Variants in PBRM1 observed in about 807,000 individuals in gnomAD.
The protein encoded by PBRM1 is protein polybromo-1.
Under a neutral mutation model 194.5 loss-of-function variants are expected in PBRM1, and 27 were observed. The ratio of observed to expected loss-of-function variants is 0.14; its 90% CI spans 0.10 to 0.19. The LOEUF (loss-of-function observed/expected upper bound fraction) is 0.19, where lower values mean the gene tolerates loss of function less well. Ranked by LOEUF, PBRM1 falls within the 10% of genes least tolerant of loss-of-function variation. PBRM1 has a pLI of 1.00. For missense variants in PBRM1, 1,466 were observed against 2,077.2 expected (o/e 0.71, Z 5.72); for synonymous variants, 655 against 693.2 (o/e 0.94, Z 0.87).
chr3:52,601,392 T>G (rs1029516650), intron 17 of PBRM1, among the ~76,000 whole-genome samples: 1 of 152,190 alleles, frequency 6.6e-6, no homozygotes, highest in African/African-American at 2.4e-5. Context: ...CTGTTCCATC[T>G]CAGATCATCA....
chr3:52,625,047 A>G, intron 13 of PBRM1, 106 bp from the exon 15 acceptor site: 1 of 763,716 alleles, frequency 1.3e-6, no homozygotes, highest in Non-Finnish European at 2.3e-6. Flanking sequence ...TATTCAGTCC[A>G]AAGTACCAAA....
rs1441063943 is a variant in PBRM1, at chr3:52,576,537, C to A, written c.3691+4G>T. 6.3e-7 allele frequency: 1 copy of A among 1,583,756 alleles called. No homozygotes were observed. The highest frequency in any genetic ancestry group is 8.5e-7 in the Non-Finnish European group (1 of 1,169,644). ...CGATTAAATAAAAAAGCACAAATAC[C>A]TACCGAGAATACATGTCATGGGGCA... On this transcript the variant is annotated splice_donor_region_variant and intron_variant, in intron 22 of 29. Coordinates refer to ENST00000296302, the Ensembl canonical transcript of PBRM1.
chr3:52,672,463 A>G (rs1052702495), intron 2 of PBRM1, among the ~76,000 whole-genome samples: 2 of 150,578 alleles, frequency 1.3e-5, no homozygotes, highest in Non-Finnish European at 2.9e-5. Flanking sequence ...AGAACAAATA[A>G]CTTCAATTTC....
At chr3:52,560,874 G>C (rs2083358888) in intron 25 of PBRM1, among the ~76,000 whole-genome samples, 1 of 151,636 alleles carries the variant, frequency 6.6e-6, no homozygotes, top group African/African-American at 2.4e-5. Flanking sequence ...TTAATAAAAG[G>C]GGCAGCCTAA....
intron 10 of PBRM1, among the ~76,000 whole-genome samples, chr3:52,641,595 A>C (rs1009745219): frequency 1.3e-5 from 2 of 152,154 alleles, no homozygotes; most frequent in African/African-American, 4.8e-5. Context: ...CAAGCCAAGA[A>C]GAAATTAGAG....
At chr3:52,616,767 G>A (rs2094979367) in intron 14 of PBRM1, among the ~76,000 whole-genome samples, 1 of 152,218 alleles carries the variant, frequency 6.6e-6, no homozygotes, top group Non-Finnish European at 1.5e-5. Context: ...GGACTATCAT[G>A]CTGATTTTTA....
At chr3:52,554,851 A>T (rs760130813) in exon 27 of PBRM1, 14 of 1,607,176 alleles carry the variant, frequency 8.7e-6, no homozygotes, top group Non-Finnish European at 1.2e-5. Context: ...GCAAAGGTGG[A>T]AGGCCTGGCG....
chr3:52,572,677 G>A (rs1183393953), intron 22 of PBRM1, among the ~76,000 whole-genome samples: 1 of 152,106 alleles, frequency 6.6e-6, no homozygotes, highest in Non-Finnish European at 1.5e-5. Context: ...TGCCCAGCTT[G>A]ATTACTGTTT....
chr3:52,645,925 T>C (rs1400950959), intron 7 of PBRM1, among the ~76,000 whole-genome samples: 1 of 152,378 alleles, frequency 6.6e-6, no homozygotes, highest in South Asian at 2.1e-4. Flanking sequence ...GGTGAGGGAC[T>C]ACGGACAACT....
rs2091393049 is a variant in PBRM1 at position 52,582,193 on chromosome 3, G to C, written c.3388-2994C>G. On this transcript the variant is annotated intron_variant, in intron 20 of 29. Transcript: ENST00000296302. ...GGAAGTGGAGGCTGCAGTGAGCTGA[G>C]ATTGCGCCACTGCACTCCAGCCTGG... Among the ~76,000 whole-genome samples the C allele has an allele frequency of 2.1e-5, 3 of 143,830 alleles. No homozygotes were observed. The South Asian group carries it at 6.8e-4, about 33-fold the overall frequency. 94.4% of individuals were successfully genotyped at this position (143,830 alleles called of 152,430 possible).
Position 52,576,481 on chromosome 3 carries a change from T to C in PBRM1, c.3691+60A>G, listed in dbSNP as rs1337108438. On this transcript the variant is annotated intron_variant, in intron 22 of 29. Coordinates refer to ENST00000296302, the Ensembl canonical transcript of PBRM1. ...CACCTAGAACAGTGCCCCACAGAAG[T>C]AGTATTCCATCAATTTTGATGGAAT... is the stretch of plus-strand genomic sequence containing the variant. 6 of 1,308,194 alleles carry C rather than the reference T, an allele frequency of 4.6e-6. No individual in the cohort carries two copies. The East Asian group carries it at 6.9e-5, about 15-fold the overall frequency. 81.0% of individuals were successfully genotyped at this position (1,308,194 alleles called of 1,614,324 possible).
intron 22 of PBRM1, among the ~76,000 whole-genome samples, chr3:52,573,483 G>A (rs545491139): frequency 1.3e-5 from 2 of 152,124 alleles, no homozygotes; most frequent in South Asian, 4.2e-4. Context: ...TAGTAAAGAT[G>A]GGGTTTCACC....
exon 7 of PBRM1, chr3:52,648,360 C>T (rs2153778931): frequency 6.2e-7 from 1 of 1,601,168 alleles, no homozygotes; most frequent in Non-Finnish European, 8.5e-7. Context: ...TACTTGAGAG[C>T]CAGGCTCATT....
exon 21 of PBRM1, chr3:52,579,054 C>T (rs533143558): frequency 1.9e-6 from 3 of 1,614,062 alleles, no homozygotes; most frequent in Admixed American, 3.3e-5. Flanking sequence ...TGACACTCAC[C>T]TGCCCACACG....
intron 26 of PBRM1, among the ~76,000 whole-genome samples, chr3:52,556,155 C>T (rs1218933298): frequency 6.6e-6 from 1 of 152,134 alleles, no homozygotes; most frequent in Non-Finnish European, 1.5e-5. Flanking sequence ...AGATTTCAAA[C>T]ATATTTATTT....
chr3:52,614,320 GC>G (rs2094822999), intron 15 of PBRM1, among the ~76,000 whole-genome samples: 1 of 126,108 alleles, frequency 7.9e-6, no homozygotes, highest in South Asian at 2.6e-4. Flanking sequence ...GTTGCAGTGA[GC>G]CAAGATCACA....
rs769242355 is a variant in PBRM1 at position 52,648,328 on chromosome 3, C to G, written c.813+16G>C. 6.8e-7 allele frequency: 1 copy of G among 1,479,766 alleles called. No individual in the cohort carries two copies. Among genetic ancestry groups the G allele is most frequent in the Non-Finnish European group, 9.3e-7 (1 of 1,073,078 alleles). The allele number at this position is 1,479,766 out of a possible 1,614,324, so 91.7% of individuals were successfully genotyped here. On this transcript the variant is annotated intron_variant, in intron 7 of 29. Coordinates refer to ENST00000296302, the Ensembl canonical transcript of PBRM1. ...TTACCAAGGAAAACAACAACAACAA[C>G]AACAACAAAACTAACCTTGAATACT...
intron 22 of PBRM1, among the ~76,000 whole-genome samples, chr3:52,564,564 G>C (rs1214895306): frequency 6.6e-6 from 1 of 151,732 alleles, no homozygotes; most frequent in Non-Finnish European, 1.5e-5. Context: ...AATCATCTGA[G>C]TCTGGGAAGT....
intron 7 of PBRM1, 121 bp downstream of exon 8, chr3:52,648,223 A>T: frequency 3.3e-6 from 2 of 615,248 alleles, no homozygotes; most frequent in Middle Eastern, 2.8e-4. Context: ...AAACACTTTT[A>T]ATGGGTAAAG....
Sources: gnomAD v4.1 joint callset for allele counts (sites outside exome capture counted in the v4.1 genomes callset) on GRCh38, gnomAD v4.1.1 for gene constraint, MANE v1.5 for transcripts, NCBI Gene and HGNC (gene_info 2026-07-23, HGNC 2026-07-21) for gene names.